The following SND1 variants were observed in gnomAD, a reference collection of about 807,000 sequenced individuals.
SND1 encodes the protein staphylococcal nuclease and tudor domain containing 1.
SND1 carries 38 observed loss-of-function variants against 121.7 expected under a neutral mutation model. The observed-to-expected ratio is 0.31, with a 90% CI of 0.24 to 0.41. SND1 has a LOEUF of 0.41. Among genes scored for constraint, SND1 ranks in the 10% least tolerant of loss-of-function variants. SND1 has a pLI of 1.00. For missense variants in SND1, 868 were observed against 1,184.6 expected, an observed-to-expected ratio of 0.73 and a Z score of 3.92; for synonymous variants, 401 against 447.4, an observed-to-expected ratio of 0.90 and a Z score of 1.31.
rs1264737765 is a variant in SND1, at chr7:128,029,792, A to G, written c.1779+38736A>G. On this transcript the variant is annotated intron_variant, in intron 16 of 23. Transcript: ENST00000354725. The surrounding 1 kb of genome is among the most constrained non-coding windows in gnomAD (Gnocchi z 4.2). ...GGTACCTCAGCGGGGTAAAGAGGTCATGGGGCAAAGAAGAGAGGTTATTGT... is the reference window on the plus strand; with the variant it reads ...GGTACCTCAGCGGGGTAAAGAGGTCGTGGGGCAAAGAAGAGAGGTTATTGT... 2 of 1,613,842 alleles carry G rather than the reference A, an allele frequency of 1.2e-6. No homozygotes were observed. Among genetic ancestry groups the G allele is most frequent in the Non-Finnish European group, 1.7e-6 (2 of 1,180,036 alleles).
intron 15 of SND1, among the ~76,000 whole-genome samples, chr7:127,976,845 G>A (rs1177756486): frequency 1.3e-5 from 2 of 152,232 alleles, no homozygotes; most frequent in Non-Finnish European, 1.5e-5. Context: ...CTGCTGCTGA[G>A]AGACAGAGAA....
chr7:128,039,901 G>A (rs1226249350), intron 16 of SND1, among the ~76,000 whole-genome samples: 1 of 152,212 alleles, frequency 6.6e-6, no homozygotes, highest in African/African-American at 2.4e-5. Context: ...CTCGCTTTAT[G>A]GAGAGCTGGG....
intron 17 of SND1, among the ~76,000 whole-genome samples, chr7:128,078,900 G>T (rs1402935636): frequency 6.6e-6 from 1 of 152,224 alleles, no homozygotes; most frequent in Non-Finnish European, 1.5e-5. Context: ...AAAGGAGGGA[G>T]CTGGCAGGAA....
intron 14 of SND1, among the ~76,000 whole-genome samples, chr7:127,920,861 A>C (rs1238507443): frequency 1.3e-5 from 2 of 151,294 alleles, no homozygotes; most frequent in African/African-American, 4.8e-5. Flanking sequence ...ATCTTAACAA[A>C]AAAAAAAAAA....
rs181328958 is a variant in SND1 at position 127,807,217 on chromosome 7, T to A, written c.1153-267T>A. Among the ~76,000 whole-genome samples, 172 of 152,346 alleles carry A rather than the reference T, an allele frequency of 1.1e-3. 1 individual carries two copies. Among genetic ancestry groups the A allele is most frequent in the Non-Finnish European group, 2.1e-3 (141 of 68,030 alleles). ...CTGTAATACAGTTTATGCCTCTATG[T>A]CTGTGTTAAAGACCATTTGTTTCCA... On this transcript the variant is annotated intron_variant, in intron 10 of 23. Transcript: ENST00000354725.
At chr7:128,001,735 C>A (rs1802835573) in intron 16 of SND1, among the ~76,000 whole-genome samples, 1 of 152,174 alleles carries the variant, frequency 6.6e-6, no homozygotes, top group Non-Finnish European at 1.5e-5. Context: ...AGTTCAAGAC[C>A]AACCTGACCA....
chr7:128,023,789 G>T (rs768524757), intron 16 of SND1, among the ~76,000 whole-genome samples: 5 of 152,178 alleles, frequency 3.3e-5, no homozygotes, highest in Non-Finnish European at 7.3e-5. Context: ...GTGTTTGTGT[G>T]TATTGTCAAA....
At chr7:128,069,307 T>A (rs2117043994) in intron 16 of SND1, among the ~76,000 whole-genome samples, 1 of 152,324 alleles carries the variant, frequency 6.6e-6, no homozygotes, top group South Asian at 2.1e-4. Context: ...AGCTGCTGAA[T>A]GTAACCATCC....
At chr7:127,791,578 C>T (rs143863087) in intron 10 of SND1, among the ~76,000 whole-genome samples, 7 of 152,200 alleles carry the variant, frequency 4.6e-5, no homozygotes, top group South Asian at 4.1e-4. Flanking sequence ...AGAACATTTT[C>T]GTCTTACACA....
intron 8 of SND1, among the ~76,000 whole-genome samples, 197 bp downstream of exon 8, chr7:127,705,142 C>T (rs1045883345): frequency 1.3e-5 from 2 of 152,178 alleles, no homozygotes; most frequent in African/African-American, 4.8e-5. Context: ...ATGGTAAGGA[C>T]TTACAGTTTT....
At chr7:127,838,811 T>C (rs1233142703) in intron 11 of SND1, among the ~76,000 whole-genome samples, 1 of 152,250 alleles carries the variant, frequency 6.6e-6, no homozygotes, top group Non-Finnish European at 1.5e-5. Context: ...TATGTATTTG[T>C]GTATGTGTTT....
intron 17 of SND1, among the ~76,000 whole-genome samples, chr7:128,079,893 G>A (rs1793568097): frequency 6.6e-6 from 1 of 152,132 alleles, no homozygotes; most frequent in African/African-American, 2.4e-5. Flanking sequence ...CTCCTGGTTG[G>A]TGGTGTTTTC....
At chr7:127,896,754 CCTCAGA>C (rs1271055426) in intron 13 of SND1, among the ~76,000 whole-genome samples, 1 of 152,120 alleles carries the variant, frequency 6.6e-6, no homozygotes, top group Non-Finnish European at 1.5e-5. Context: ...TTTCCCCCTT[CCTCAGA>C]CTCTGAGTTC....
chr7:128,066,512 G>A (rs1180404901), intron 16 of SND1, among the ~76,000 whole-genome samples: 1 of 152,204 alleles, frequency 6.6e-6, no homozygotes, highest in Non-Finnish European at 1.5e-5. Flanking sequence ...GAAAATCCGT[G>A]CTGCTGCCTG....
chr7:127,722,768 G>T (rs1216785314), intron 10 of SND1, among the ~76,000 whole-genome samples: 1 of 152,112 alleles, frequency 6.6e-6, no homozygotes, highest in Non-Finnish European at 1.5e-5. Context: ...ACCACGTACA[G>T]GATGGGTGAT....
At chr7:127,941,889 G>GTTTTTTTTTTTTTTTT (rs34389081) in intron 15 of SND1, among the ~76,000 whole-genome samples, 1 of 100,260 alleles carries the variant, frequency 1.0e-5, no homozygotes, top group African/African-American at 4.0e-5. Context: ...TTGATAGGGA[G>GTTTTTTTTTTTTTTTT]TTTTTTTTTT....
chr7:128,031,955 T>C (rs1474592363), intron 16 of SND1: 1 of 149,760 alleles, frequency 6.7e-6, no homozygotes, highest in Non-Finnish European at 1.5e-5. Flanking sequence ...CCCAGGAACA[T>C]AGTCCCCGCT....
intron 10 of SND1, among the ~76,000 whole-genome samples, chr7:127,803,290 C>T (rs536270036): frequency 1.3e-5 from 2 of 152,272 alleles, no homozygotes; most frequent in Admixed American, 1.3e-4. Flanking sequence ...AGCTGTGGCC[C>T]TGCACCCCTG....
intron 1 of SND1, among the ~76,000 whole-genome samples, chr7:127,680,481 C>T (rs1469815400): frequency 6.6e-6 from 1 of 151,960 alleles, no homozygotes; most frequent in Non-Finnish European, 1.5e-5. Flanking sequence ...TTTTAGATGC[C>T]CACCCTCAGG....
Sources: allele counts gnomAD v4.1 joint callset (sites outside exome capture counted in the v4.1 genomes callset), GRCh38; gene constraint gnomAD v4.1.1; non-coding constraint Gnocchi (gnomAD v3.1); transcripts MANE v1.5; gene names NCBI Gene and HGNC (gene_info 2026-07-23, HGNC 2026-07-21).